TTC28: variants seen among roughly 807,000 people sequenced by gnomAD.
The protein encoded by TTC28 is tetratricopeptide repeat protein 28.
In TTC28, 61 loss-of-function variants were observed where a neutral mutation model predicts 198.0. The ratio of observed to expected loss-of-function variants is 0.31; its 90% CI spans 0.25 to 0.38. TTC28 has a LOEUF of 0.38. Ranked by LOEUF, TTC28 falls within the 10% of genes least tolerant of loss-of-function variation. TTC28 has a pLI of 1.00. For synonymous variants in TTC28, 1,171 were observed against 1,297.8 expected (o/e 0.90, Z 2.10); for missense variants, 2,678 against 3,164.0 (o/e 0.85, Z 3.69).
rs1278612091 is a variant in TTC28, at chr22:28,005,978, C to T, written c.4219-4425G>A. Among the ~76,000 whole-genome samples the T allele has an allele frequency of 6.6e-6, 1 of 152,236 alleles. No homozygotes were observed. Among genetic ancestry groups the T allele is most frequent in the African/African-American group, 2.4e-5 (1 of 41,458 alleles). Reference sequence around the variant, plus strand: ...ATGGGTAATAGTTCTCAATACTAAACATCCGTGGTTAGTCTACGGTGTGGT... The same window carrying T: ...ATGGGTAATAGTTCTCAATACTAAATATCCGTGGTTAGTCTACGGTGTGGT... On this transcript the variant is annotated intron_variant, in intron 14 of 22. Coordinates refer to ENST00000397906, the MANE Select transcript of TTC28 (RefSeq NM_001145418.2). The surrounding 1 kb of genome is among the most constrained non-coding windows in gnomAD (Gnocchi z 4.9).
chr22:28,219,103 A>G (rs1228206415), intron 5 of TTC28, among the ~76,000 whole-genome samples: 1 of 152,134 alleles, frequency 6.6e-6, no homozygotes, highest in African/African-American at 2.4e-5. Flanking sequence ...GACATTTTTG[A>G]AGTCAGTGGG....
chr22:28,025,926 C>T (rs151174074), intron 13 of TTC28, among the ~76,000 whole-genome samples: 2,886 of 152,290 alleles, frequency 0.019, 38 homozygotes, highest in Non-Finnish European at 0.029. Context: ...CAGCAGGACA[C>T]GTGTGTGCCA....
intron 2 of TTC28, among the ~76,000 whole-genome samples, chr22:28,406,092 G>T (rs1044583601): frequency 1.3e-5 from 2 of 152,196 alleles, no homozygotes; most frequent in Non-Finnish European, 2.9e-5. Flanking sequence ...TTTGGGGCTC[G>T]CCTGCACTGC....
chr22:28,015,271 C>G (rs1392863505), intron 13 of TTC28, among the ~76,000 whole-genome samples: 3 of 152,126 alleles, frequency 2.0e-5, no homozygotes. Flanking sequence ...ACAAGGCTGC[C>G]CACGTGCATC....
At chr22:28,298,498 A>C (rs2044947978) in intron 3 of TTC28, among the ~76,000 whole-genome samples, 1 of 152,106 alleles carries the variant, frequency 6.6e-6, no homozygotes, top group South Asian at 2.1e-4. Flanking sequence ...CCCAGGCTGG[A>C]GTGCAGTGGC....
intron 2 of TTC28, among the ~76,000 whole-genome samples, chr22:28,336,100 G>T (rs1355769087): frequency 6.6e-6 from 1 of 152,200 alleles, no homozygotes; most frequent in Non-Finnish European, 1.5e-5. Context: ...AGATGATCAT[G>T]TGGTTTTTGT....
At position 27,983,687 on chromosome 22, in the gene TTC28, T is replaced by C; in HGVS notation, c.5980A>G (p.Ser1994Gly). Residue 1994 changes from serine (S) to glycine (G), a missense_variant, in exon 23 of 23, where the codon AGT becomes GGT. Around this residue, in one of 8 missense-constraint regions of TTC28, gnomAD observed 622 missense variants for 656.0 expected, o/e 0.95. Transcript: ENST00000397906. Reference protein sequence around the residue: ...SIASDAISVYSLSSIASSMSF... With the variant: ...SIASDAISVYGLSSIASSMSF... ...ATTGAGGAGGCAATGGAGCTCAGAC[T>C]GTACACAGAGATGGCATCTGAGGCG... 1 of 1,549,684 alleles carries C rather than the reference T, an allele frequency of 6.5e-7. No homozygotes were observed. The highest frequency in any genetic ancestry group is 8.7e-7 in the Non-Finnish European group (1 of 1,146,186).
At chr22:28,192,584 G>T (rs140490866) in intron 5 of TTC28, among the ~76,000 whole-genome samples, 5,388 of 152,256 alleles carry the variant, frequency 0.035, 137 homozygotes, top group Middle Eastern at 0.065. Context: ...AAACAGTGTA[G>T]AGAAGACCTT....
At chr22:27,996,313 C>G in intron 16 of TTC28, 54 bp from the exon 17 acceptor site, 1 of 1,531,730 alleles carries the variant, frequency 6.5e-7, no homozygotes, top group Non-Finnish European at 8.8e-7. Context: ...CCCCCAGCCC[C>G]ACCCCGGCTT....
At chr22:28,672,634 C>T (rs2051908187) in intron 1 of TTC28, among the ~76,000 whole-genome samples, 1 of 152,182 alleles carries the variant, frequency 6.6e-6, no homozygotes, top group Non-Finnish European at 1.5e-5. Flanking sequence ...ATAATATTTT[C>T]TTGCTGTTGA....
intron 6 of TTC28, among the ~76,000 whole-genome samples, chr22:28,137,119 G>A (rs1005056498): frequency 9.9e-5 from 15 of 152,164 alleles, no homozygotes; most frequent in Admixed American, 6.5e-4. Flanking sequence ...AATGCTAGCT[G>A]CATTTGCTGG....
intron 2 of TTC28, among the ~76,000 whole-genome samples, chr22:28,315,666 C>T (rs2045340267): frequency 6.6e-6 from 1 of 151,970 alleles, no homozygotes. Context: ...GTTCCTTTTC[C>T]ACCTTTGTAA....
At chr22:28,454,020 G>A (rs2047822390) in intron 2 of TTC28, among the ~76,000 whole-genome samples, 3 of 152,084 alleles carry the variant, frequency 2.0e-5, no homozygotes, top group African/African-American at 4.8e-5. Context: ...TTATGACCTT[G>A]TTAATTGCAG....
rs922838189 is a variant in TTC28 at position 28,107,888 on chromosome 22, C to T, written c.1957G>A (p.Ala653Thr). Residue 653 changes from alanine to threonine, a missense_variant, in exon 7 of 23, where the codon GCA (alanine) becomes ACA (threonine). By Grantham distance (58) the Ala-to-Thr change is moderately conservative (BLOSUM62 0). Around this residue, in one of 8 missense-constraint regions of TTC28, gnomAD observed 775 missense variants for 845.9 expected, o/e 0.92. Coordinates refer to ENST00000397906, the MANE Select transcript of TTC28 (RefSeq NM_001145418.2). ...AHYCLGNYQE[A>T]VKYYEQDLAL... ...AGATCCTGTTCGTAGTACTTCACTGCCTCCTGATAGTTTCCAAGGCAGTAA... is the reference window on the plus strand; with the variant it reads ...AGATCCTGTTCGTAGTACTTCACTGTCTCCTGATAGTTTCCAAGGCAGTAA... 9.7e-6 allele frequency: 15 copies of T among 1,551,652 alleles called. No homozygotes were observed. Among genetic ancestry groups the T allele is most frequent in the Non-Finnish European group, 1.3e-5 (15 of 1,147,008 alleles).
At chr22:28,657,748 G>A (rs553837385) in intron 1 of TTC28, among the ~76,000 whole-genome samples, 6 of 152,078 alleles carry the variant, frequency 3.9e-5, no homozygotes, top group Non-Finnish European at 4.4e-5. Flanking sequence ...GTGAGATGGC[G>A]CACACCTATT....
intron 12 of TTC28, among the ~76,000 whole-genome samples, chr22:28,086,220 GCACCA>G (rs1163911603): frequency 2.0e-5 from 3 of 152,012 alleles, no homozygotes; most frequent in Admixed American, 6.6e-5. Flanking sequence ...ATTTTTTTCA[GCACCA>G]CACCACACCT....
intron 2 of TTC28, among the ~76,000 whole-genome samples, chr22:28,498,838 A>G (rs1052306632): frequency 2.6e-5 from 4 of 152,146 alleles, no homozygotes; most frequent in Non-Finnish European, 5.9e-5. Context: ...AGAGAAGTGT[A>G]ATTTCTCTCT....
intron 2 of TTC28, among the ~76,000 whole-genome samples, chr22:28,599,710 A>C (rs1229026659): frequency 6.6e-6 from 1 of 152,174 alleles, no homozygotes; most frequent in African/African-American, 2.4e-5. Context: ...AATTAGAAGA[A>C]GGCTCTAGAT....
chr22:28,176,669 A>G (rs1473394500), intron 5 of TTC28, among the ~76,000 whole-genome samples: 3 of 152,214 alleles, frequency 2.0e-5, no homozygotes, highest in Non-Finnish European at 4.4e-5. Context: ...CAAACATCAA[A>G]TTGTACACCA....
Sources: gnomAD v4.1 joint callset for allele counts (sites outside exome capture counted in the v4.1 genomes callset) on GRCh38, gnomAD v4.1.1 for gene constraint, gnomAD v4.1.1 regional missense constraint, Gnocchi (gnomAD v3.1) non-coding constraint, MANE v1.5 for transcripts, NCBI Gene and HGNC (gene_info 2026-07-23, HGNC 2026-07-21) for gene names.